Variants in FAM3C observed in about 807,000 individuals in gnomAD.
FAM3C encodes the protein protein FAM3C.
A neutral mutation model predicts 32.5 loss-of-function variants in FAM3C; 15 were observed. The observed-to-expected ratio is 0.46, with a 90% CI of 0.31 to 0.71. The LOEUF (loss-of-function observed/expected upper bound fraction) is 0.71. Among genes scored for constraint, FAM3C ranks in the 30% least tolerant of loss-of-function variants. FAM3C has a pLI of 0.05. For missense variants in FAM3C, 175 were observed against 274.4 expected (o/e 0.64, Z 2.56); for synonymous variants, 75 against 86.1 (o/e 0.87, Z 0.72).
intron 3 of FAM3C, 58 bp downstream of exon 3, chr7:121,378,852 A>G: frequency 1.2e-6 from 1 of 866,868 alleles, no homozygotes; most frequent in Non-Finnish European, 1.8e-6. Flanking sequence ...CTGATAACTG[A>G]TAAAACTTTA....
intron 1 of FAM3C, among the ~76,000 whole-genome samples, chr7:121,384,002 A>G (rs1794413751): frequency 6.6e-6 from 1 of 152,152 alleles, no homozygotes; most frequent in Non-Finnish European, 1.5e-5. Context: ...GAAAATAGTA[A>G]TAATGGCACA....
At position 121,351,253 on chromosome 7, in the gene FAM3C, G is replaced by A. The variant is rs201209008; in HGVS notation, c.484C>T (p.Arg162Trp). ...DGATKLNDEARRLIADLGSTS... is the reference protein window; with the variant it reads ...DGATKLNDEAWRLIADLGSTS... The stretch of plus-strand genomic sequence containing the variant: ...CTCCCCAAATCAGCAATGAGCCGCC[G>A]TGCCTCATCATTGAGTCTTGAAGAG... Residue 162 changes from arginine to tryptophan, a missense_variant, in exon 9 of 10, where the codon CGG becomes TGG. By Grantham distance (101) the Arg-to-Trp change is moderately radical. Coordinates refer to ENST00000359943, the MANE Select transcript of FAM3C (RefSeq NM_014888.3). 1.1e-5 allele frequency: 17 copies of A among 1,613,398 alleles called. No individual in the cohort carries two copies. Among genetic ancestry groups the A allele is most frequent in the Non-Finnish European group, 1.4e-5 (16 of 1,179,650 alleles).
chr7:121,369,368 C>A (rs1308508569), intron 5 of FAM3C, among the ~76,000 whole-genome samples: 1 of 152,112 alleles, frequency 6.6e-6, no homozygotes, highest in African/African-American at 2.4e-5. Flanking sequence ...GGATTATGCT[C>A]AAAAATACTT....
chr7:121,364,438 T>TA (rs1793985056), intron 5 of FAM3C: 1 of 392,398 alleles, frequency 2.5e-6, no homozygotes, highest in South Asian at 4.1e-5. Context: ...CCTGAAATAA[T>TA]AGACCATTTT....
chr7:121,374,603 T>C (rs943783417), intron 3 of FAM3C, among the ~76,000 whole-genome samples: 4 of 152,204 alleles, frequency 2.6e-5, no homozygotes, highest in African/African-American at 7.2e-5. Flanking sequence ...ATGACGAAGA[T>C]AACCATATAT....
chr7:121,350,733 A>C (rs896945298), intron 9 of FAM3C, among the ~76,000 whole-genome samples, 183 bp from the exon 10 acceptor site: 10 of 152,222 alleles, frequency 6.6e-5, no homozygotes, highest in Non-Finnish European at 8.8e-5. Flanking sequence ...AGACCTTCAA[A>C]TAACAGCTGA....
Position 121,390,556 on chromosome 7 carries a change from G to A in FAM3C, c.-42+5606C>T, listed in dbSNP as rs115034621. ...GGGCTTAGGAGTCATGCAGCTGAAAGCTACCAGATTCTGACCCTTACCATC... is the reference window on the plus strand; with the variant it reads ...GGGCTTAGGAGTCATGCAGCTGAAAACTACCAGATTCTGACCCTTACCATC... On this transcript the variant is annotated intron_variant, in intron 1 of 9. Transcript: ENST00000359943. Among the ~76,000 whole-genome samples the A allele has an allele frequency of 2.1e-3, 316 of 152,270 alleles. 1 individual carries two copies. The highest frequency in any genetic ancestry group is 7.2e-3 in the African/African-American group (300 of 41,552).
chr7:121,351,443 C>T (rs1793704187), intron 8 of FAM3C, 174 bp from the exon 9 acceptor site: 1 of 516,140 alleles, frequency 1.9e-6, no homozygotes. Context: ...TCTTTAGTGA[C>T]AAAAGACATG....
At chr7:121,388,368 A>C (rs1454622668) in intron 1 of FAM3C, among the ~76,000 whole-genome samples, 1 of 152,094 alleles carries the variant, frequency 6.6e-6, no homozygotes, top group Non-Finnish European at 1.5e-5. Flanking sequence ...CAGATTTTTA[A>C]AGAATCAAGC....
chr7:121,393,838 T>C (rs1195403277), intron 1 of FAM3C, among the ~76,000 whole-genome samples: 1 of 152,186 alleles, frequency 6.6e-6, no homozygotes. Context: ...TCAATGCCAC[T>C]CTTGAAATAA....
intron 7 of FAM3C, among the ~76,000 whole-genome samples, chr7:121,360,539 TAAAATTGTATGGGCTGAGCAC>T (rs1309030949): frequency 6.6e-6 from 1 of 152,142 alleles, no homozygotes; most frequent in Admixed American, 6.6e-5. Flanking sequence ...TAAGTGTATG[TAAAATTGTATGGGCTGAGCAC>T]AGTGACTCAC....
intron 5 of FAM3C, among the ~76,000 whole-genome samples, chr7:121,370,319 A>G (rs1027550152): frequency 6.6e-6 from 1 of 152,168 alleles, no homozygotes; most frequent in Non-Finnish European, 1.5e-5. Context: ...CATGAAGCTC[A>G]ATAAACTTCT....
In FAM3C at chr7:121,371,335, G is replaced by C; in HGVS notation, c.237C>G (p.Asn79Lys). The change falls in exon 5 of 10, where the codon AAC becomes AAG. Residue 79 changes from asparagine to lysine, a missense_variant. Asn to Lys is a moderately conservative substitution (Grantham distance 94). Coordinates refer to ENST00000359943, the MANE Select transcript of FAM3C (RefSeq NM_014888.3). ...CCAGGCAGATTTTGGGTCCCACCAC[G>C]TTGGCTGCTCCACTTGCCATTTTAA... ...FAFKMASGAA[N>K]VVGPKICLED... The C allele has an allele frequency of 6.2e-7, 1 of 1,613,594 alleles. No homozygotes were observed. Among genetic ancestry groups the C allele is most frequent in the Non-Finnish European group, 8.5e-7 (1 of 1,179,882 alleles).
Position 121,360,060 on chromosome 7 carries a change from G to A in FAM3C, c.450C>T (p.Tyr150=), listed in dbSNP as rs762129401. The stretch of plus-strand genomic sequence containing the variant: ...TTACATACTTGGTTGCTCCATCATC[G>A]TATGTTCCCATTAAAACTATTGTTC... ...QDGTIVLMGT[Y]DDGATKLNDE... is the part of the protein sequence containing the mutation. The change falls in exon 8 of 10, where the codon TAC becomes TAT. Residue 150 remains tyrosine, a synonymous_variant. Transcript: ENST00000359943. 24 of 1,560,916 alleles carry A rather than the reference G, an allele frequency of 1.5e-5. No homozygotes were observed. Among genetic ancestry groups the A allele is most frequent in the Admixed American group, 1.0e-4 (6 of 59,820 alleles).
chr7:121,364,233 C>A, intron 5 of FAM3C, 45 bp from the exon 6 acceptor site: 1 of 1,218,904 alleles, frequency 8.2e-7, no homozygotes, highest in Non-Finnish European at 1.2e-6. Flanking sequence ...AAATATTGTA[C>A]AATAACATAT....
chr7:121,375,029 G>A (rs1794214224), intron 3 of FAM3C, among the ~76,000 whole-genome samples: 2 of 152,282 alleles, frequency 1.3e-5, no homozygotes, highest in Middle Eastern at 6.8e-3. Flanking sequence ...GATGCTGGGT[G>A]AAGCACCAAA....
At chr7:121,367,287 G>C (rs113450444) in intron 5 of FAM3C, among the ~76,000 whole-genome samples, 8 of 152,222 alleles carry the variant, frequency 5.3e-5, no homozygotes, top group Admixed American at 3.9e-4. Flanking sequence ...GCTACTTCAT[G>C]TCCTAGTTAT....
chr7:121,374,451 A>T (rs1204609036), intron 3 of FAM3C, among the ~76,000 whole-genome samples: 2 of 152,220 alleles, frequency 1.3e-5, no homozygotes, highest in Non-Finnish European at 2.9e-5. Context: ...ATTTATAGAA[A>T]TTGTCAAGTA....
Position 121,351,160 on chromosome 7 carries a change from T to C in FAM3C, c.577A>G (p.Lys193Glu). 1 of 1,613,544 alleles carries C rather than the reference T, an allele frequency of 6.2e-7. No homozygotes were observed. Among genetic ancestry groups the C allele is most frequent in the Non-Finnish European group, 8.5e-7 (1 of 1,179,648 alleles). Residue 193 changes from lysine to glutamate, a missense_variant, in exon 9 of 10, where the codon AAA (lysine) becomes GAA (glutamate). Coordinates refer to ENST00000359943, the MANE Select transcript of FAM3C (RefSeq NM_014888.3). ...ACACTAACCTGTTCAAAAGGGCTTTTTGTCTTAATGCCCTTCCCACCACAG... is the reference window on the plus strand; with the variant it reads ...ACACTAACCTGTTCAAAAGGGCTTTCTGTCTTAATGCCCTTCCCACCACAG... The part of the protein sequence containing the change: ...VFCGGKGIKT[K>E]SPFEQHIKNN...
Sources: gnomAD v4.1 joint callset for allele counts (sites outside exome capture counted in the v4.1 genomes callset) on GRCh38, gnomAD v4.1.1 for gene constraint, MANE v1.5 for transcripts, NCBI Gene and HGNC (gene_info 2026-07-23, HGNC 2026-07-21) for gene names.